Variants in NDUFS1 observed in about 807,000 individuals in gnomAD.
NDUFS1 encodes the protein NADH:ubiquinone oxidoreductase core subunit S1.
Under a neutral mutation model 84.4 loss-of-function variants are expected in NDUFS1, and 61 were observed. That is an observed-to-expected ratio of 0.72 (90% CI 0.59 to 0.89). The LOEUF is 0.89. NDUFS1 is among the 40% of genes least tolerant of loss of function. The pLI is 0.00. For synonymous variants in NDUFS1, 275 were observed against 290.0 expected, an observed-to-expected ratio of 0.95 and a Z score of 0.53; for missense variants, 891 against 890.0, an observed-to-expected ratio of 1.00 and a Z score of -0.01.
intron 1 of NDUFS1, among the ~76,000 whole-genome samples, chr2:206,154,482 C>G (rs1642378424): frequency 6.6e-6 from 1 of 152,184 alleles, no homozygotes; most frequent in South Asian, 2.1e-4. Flanking sequence ...AGATAATTAT[C>G]CAAAGTGTCA....
chr2:206,126,481 G>A (rs1035376082), intron 18 of NDUFS1, 58 bp downstream of exon 18: 1 of 1,451,602 alleles, frequency 6.9e-7, no homozygotes. Context: ...ACCAAATGAG[G>A]TGATCTGATT....
At chr2:206,133,888 G>A (rs1370457756) in intron 13 of NDUFS1, among the ~76,000 whole-genome samples, 1 of 152,224 alleles carries the variant, frequency 6.6e-6, no homozygotes, top group African/African-American at 2.4e-5. Flanking sequence ...GCTGAGGCAC[G>A]AGAATTGCTT....
rs35336229 is a variant in NDUFS1, at chr2:206,115,546, ATT to A, written c.*8637_*8638del. On this transcript the variant is annotated 3_prime_UTR_variant, in exon 19 of 19. Coordinates refer to ENST00000233190, the MANE Select transcript of NDUFS1 (RefSeq NM_005006.7). ...TGGCCTCCAGAATTGTAAGAAGTAA[ATT>A]TTTTTTTTTTTTAACGAAGAAGTGA... 128 of 168,102 alleles carry A rather than the reference ATT, an allele frequency of 7.6e-4. No individual in the cohort carries two copies. The highest frequency in any genetic ancestry group is 1.8e-3 in the South Asian group (14 of 7,628). The allele number at this position is 168,102 out of a possible 1,614,324, so 10.4% of individuals were successfully genotyped here.
At chr2:206,141,580 TAAAAAATTAAAAAAATTAA>T (rs1691955494) in intron 12 of NDUFS1, among the ~76,000 whole-genome samples, 2 of 120,262 alleles carry the variant, frequency 1.7e-5, no homozygotes, top group African/African-American at 7.4e-5. Flanking sequence ...TTTAAAAATC[TAAAAAATTAAAAAAATTAA>T]AAAAAAAAAA....
chr2:206,148,284 A>G (rs114788103), intron 5 of NDUFS1, among the ~76,000 whole-genome samples: 3,716 of 152,158 alleles, frequency 0.024, 151 homozygotes, highest in African/African-American at 0.085. Flanking sequence ...ATTAATAGTA[A>G]TTTTACATTT....
rs376897684 is a variant in NDUFS1, at chr2:206,155,135, T to C, written c.-4-1453A>G. ...ATTATTTATTTATTTTATTTATTTA[T>C]TGAGACGGAGTCCCGCTCTGTTGCC... On this transcript the variant is annotated intron_variant, in intron 1 of 18. Coordinates refer to ENST00000233190, the MANE Select transcript of NDUFS1 (RefSeq NM_005006.7). Among the ~76,000 whole-genome samples, 7 of 151,800 alleles carry C rather than the reference T, an allele frequency of 4.6e-5. 1 individual carries two copies. In the South Asian group the frequency reaches 1.3e-3, roughly 27 times the overall value.
chr2:206,134,124 C>T (rs1337509575), intron 13 of NDUFS1, among the ~76,000 whole-genome samples: 1 of 152,106 alleles, frequency 6.6e-6, no homozygotes, highest in Non-Finnish European at 1.5e-5. Flanking sequence ...AAGAGGAATA[C>T]ATTAATCACA....
At position 206,116,546 on chromosome 2, in the gene NDUFS1, C is replaced by A. The variant is rs566583027; in HGVS notation, c.*7639G>T. Reference sequence around the variant, plus strand: ...GGCAGCGCTACGCCTCAGCCACTCGCGCGGGGAGGCGGGGCGGTGTGGGCA... The same window carrying A: ...GGCAGCGCTACGCCTCAGCCACTCGAGCGGGGAGGCGGGGCGGTGTGGGCA... On this transcript the variant is annotated 3_prime_UTR_variant, in exon 19 of 19. Coordinates refer to ENST00000233190, the MANE Select transcript of NDUFS1 (RefSeq NM_005006.7). 328 of 763,674 alleles carry A rather than the reference C, an allele frequency of 4.3e-4. 2 individuals are homozygous for A. The African/African-American group carries it at 5.4e-3, about 13-fold the overall frequency. The allele number at this position is 763,674 out of a possible 1,614,324, so 47.3% of individuals were successfully genotyped here.
rs1189339948 is a variant in NDUFS1 at position 206,153,694 on chromosome 2, A to T, written c.-4-12T>A. The T allele has an allele frequency of 2.2e-6, 3 of 1,368,076 alleles. No homozygotes were observed. Among genetic ancestry groups the T allele is most frequent in the Non-Finnish European group, 3.1e-6 (3 of 970,942 alleles). The allele number at this position is 1,368,076 out of a possible 1,614,324, so 84.7% of individuals were successfully genotyped here. ...TCCTTAACATATTGCTAAAAATAAA[A>T]CAAAGAATTATATTATTGTAGGGAA... On this transcript the variant is annotated splice_polypyrimidine_tract_variant and intron_variant, in intron 1 of 18. Coordinates refer to ENST00000233190, the MANE Select transcript of NDUFS1 (RefSeq NM_005006.7).
rs201023524 is a variant in NDUFS1, at chr2:206,130,170, G to A, written c.1626C>T (p.Pro542=). Residue 542 remains proline, a synonymous_variant, in exon 15 of 19, where the codon CCC becomes CCT. Transcript: ENST00000233190. The part of the protein sequence containing the change: ...PGVEAIRKNP[P]KVLFLLGADG... ...CTGCTCCCAGGAGAAACAGCACCTT[G>A]GGAGGGTTCTTCCGAATTGCTTCCA... 87 of 1,614,156 alleles carry A rather than the reference G, an allele frequency of 5.4e-5. No homozygotes were observed. The highest frequency in any genetic ancestry group is 1.2e-5 in the Non-Finnish European group (14 of 1,180,010).
Position 206,116,560 on chromosome 2 carries a change from G to T in NDUFS1, c.*7625C>A. ...TCAGCCACTCGCGCGGGGAGGCGGG[G>T]CGGTGTGGGCAGAAGTAAATTTCTT... On this transcript the variant is annotated 3_prime_UTR_variant, in exon 19 of 19. Coordinates refer to ENST00000233190, the MANE Select transcript of NDUFS1 (RefSeq NM_005006.7). 2 of 656,498 alleles carry T rather than the reference G, an allele frequency of 3.0e-6. No individual in the cohort carries two copies. Among genetic ancestry groups the T allele is most frequent in the Non-Finnish European group, 2.6e-6 (1 of 379,976 alleles). 40.7% of individuals were successfully genotyped at this position (656,498 alleles called of 1,614,324 possible).
rs900392741 is a variant in NDUFS1 at position 206,123,399 on chromosome 2, G to GA, written c.*785dup. 3.4e-5 allele frequency: 5 copies of GA among 148,780 alleles called. No homozygotes were observed. Among genetic ancestry groups the GA allele is most frequent in the Non-Finnish European group, 7.4e-5 (5 of 67,438 alleles). The allele number at this position is 148,780 out of a possible 1,614,324, so 9.2% of individuals were successfully genotyped here. On this transcript the variant is annotated 3_prime_UTR_variant, in exon 19 of 19. Coordinates refer to ENST00000233190, the MANE Select transcript of NDUFS1 (RefSeq NM_005006.7). ...ATAGAAGCAGATTCAAGAGAAAATA[G>GA]AAAAATGTGTTCACCATTAAACTCA...
rs1227025996 is a variant in NDUFS1 at position 206,119,767 on chromosome 2, A to C, written c.*4418T>G. 2.0e-5 allele frequency: 3 copies of C among 152,042 alleles called. No homozygotes were observed. Among genetic ancestry groups the C allele is most frequent in the Middle Eastern group, 3.2e-3 (1 of 316 alleles). The allele number at this position is 152,042 out of a possible 1,614,324, so 9.4% of individuals were successfully genotyped here. ...TATAATACAATTTACTACAAATTTG[A>C]GGGGGGAGGCTTTCCATATGGAATT... On this transcript the variant is annotated 3_prime_UTR_variant, in exon 19 of 19. Coordinates refer to ENST00000233190, the MANE Select transcript of NDUFS1 (RefSeq NM_005006.7).
chr2:206,146,409 A>G (rs1360891198), intron 8 of NDUFS1, among the ~76,000 whole-genome samples: 1 of 152,200 alleles, frequency 6.6e-6, no homozygotes, highest in Non-Finnish European at 1.5e-5. Flanking sequence ...TGTTTTAAGA[A>G]CCTTAAAAAT....
intron 1 of NDUFS1, among the ~76,000 whole-genome samples, chr2:206,155,032 C>T (rs1054335082): frequency 1.1e-4 from 17 of 149,554 alleles, no homozygotes; most frequent in African/African-American, 3.7e-4. Context: ...TGGGTTCAAG[C>T]GATTCTCCTG....
intron 13 of NDUFS1, among the ~76,000 whole-genome samples, chr2:206,135,604 G>T (rs1191197985): frequency 6.6e-6 from 1 of 151,874 alleles, no homozygotes; most frequent in African/African-American, 2.4e-5. Context: ...CTGGCAGACT[G>T]AGGTTGCAGT....
At chr2:206,144,483 T>C (rs1409297368) in intron 9 of NDUFS1, among the ~76,000 whole-genome samples, 2 of 152,228 alleles carry the variant, frequency 1.3e-5, no homozygotes, top group African/African-American at 2.4e-5. Context: ...AGCATGAGTA[T>C]CTCTAAATAT....
At chr2:206,131,941 A>AAAT (rs768129947) in intron 14 of NDUFS1, among the ~76,000 whole-genome samples, 389 of 151,020 alleles carry the variant, frequency 2.6e-3, no homozygotes, top group Non-Finnish European at 3.5e-3. Context: ...TTCATCTCAA[A>AAAT]AATAATAATA....
chr2:206,127,425 C>T (rs1339329435), intron 16 of NDUFS1: 2 of 220,148 alleles, frequency 9.1e-6, no homozygotes, highest in African/African-American at 2.4e-5. Context: ...ATCCCAGTTA[C>T]TCAGGAAGCT....
Sources: gnomAD v4.1 joint callset for allele counts (sites outside exome capture counted in the v4.1 genomes callset) on GRCh38, gnomAD v4.1.1 for gene constraint, MANE v1.5 for transcripts, NCBI Gene and HGNC (gene_info 2026-07-23, HGNC 2026-07-21) for gene names.